PLPPR4: variants seen among roughly 807,000 people sequenced by gnomAD.
PLPPR4 encodes the protein phospholipid phosphatase-related protein type 4.
PLPPR4 carries 24 observed loss-of-function variants against 56.6 expected under a neutral mutation model. That is an observed-to-expected ratio of 0.42 (90% confidence interval 0.31 to 0.60). The LOEUF is 0.60. Among genes scored for constraint, PLPPR4 ranks in the 20% least tolerant of loss-of-function variants. The pLI is 0.13. For synonymous variants in PLPPR4, 326 were observed against 328.1 expected (o/e 0.99, Z 0.07); for missense variants, 654 against 885.8 (o/e 0.74, Z 3.32).
intron 1 of PLPPR4, among the ~76,000 whole-genome samples, chr1:99,267,843 A>T (rs72736370): frequency 0.039 from 5,883 of 152,310 alleles, 150 homozygotes; most frequent in Non-Finnish European, 0.057. Flanking sequence ...TACTATTTAC[A>T]GTTTGTACAA....
At chr1:99,277,764 T>C (rs1659227740) in intron 1 of PLPPR4, among the ~76,000 whole-genome samples, 1 of 152,076 alleles carries the variant, frequency 6.6e-6, no homozygotes. Context: ...AACTAGATCT[T>C]TTTCAGATAT....
At chr1:99,269,097 C>T (rs574392859) in intron 1 of PLPPR4, among the ~76,000 whole-genome samples, 1 of 152,086 alleles carries the variant, frequency 6.6e-6, no homozygotes, top group Non-Finnish European at 1.5e-5. Context: ...CCCCACAGGC[C>T]CTGGTGTGTG....
chr1:99,294,073 T>C (rs72980839), intron 2 of PLPPR4, among the ~76,000 whole-genome samples: 2 of 149,126 alleles, frequency 1.3e-5, no homozygotes, highest in Admixed American at 6.8e-5. Context: ...TCTGACACCA[T>C]ACCTCAGTAC....
At chr1:99,284,652 A>T (rs940125496) in intron 1 of PLPPR4, among the ~76,000 whole-genome samples, 2 of 151,728 alleles carry the variant, frequency 1.3e-5, no homozygotes, top group Non-Finnish European at 2.9e-5. Flanking sequence ...AGAAGATATT[A>T]ATATATATAT....
intron 1 of PLPPR4, among the ~76,000 whole-genome samples, chr1:99,283,029 G>T (rs1166937802): frequency 6.7e-6 from 1 of 148,712 alleles, no homozygotes. Context: ...TGTTTACCTG[G>T]CTTCCTCAAC....
chr1:99,299,889 T>G (rs929761657), intron 4 of PLPPR4, among the ~76,000 whole-genome samples: 2 of 151,990 alleles, frequency 1.3e-5, no homozygotes, highest in African/African-American at 4.8e-5. Flanking sequence ...CAAGAGATAG[T>G]AGTTTACAGT....
intron 4 of PLPPR4, 75 bp from the exon 5 acceptor site, chr1:99,300,834 A>T (rs1659868077): frequency 9.1e-7 from 1 of 1,094,328 alleles, no homozygotes; most frequent in South Asian, 1.3e-5. Context: ...CATTTTAACC[A>T]CTCAGTGTCT....
chr1:99,306,283 T>C lies in PLPPR4; in HGVS notation c.1421T>C (p.Val474Ala). 1 of 1,613,826 alleles carries C rather than the reference T, an allele frequency of 6.2e-7. No individual in the cohort carries two copies. Among genetic ancestry groups the C allele is most frequent in the Non-Finnish European group, 8.5e-7 (1 of 1,179,954 alleles). The change falls in exon 7 of 7, where the codon GTG (valine) becomes GCG (alanine). Residue 474 changes from valine (V) to alanine (A), a missense_variant. Coordinates refer to ENST00000370185, the MANE Select transcript of PLPPR4 (RefSeq NM_014839.5). This position sits in a 1 kb window ranked among gnomAD's most constrained non-coding sequence, Gnocchi z 4.0. ...AACAGCATGCCTGGAGGGCCAAGAG[T>C]GTCCATTCAGTCCCGTCCTGGGTCC... ...CNNSMPGGPR[V>A]SIQSRPGSSQ...
chr1:99,286,462 G>T (rs1659464267), intron 1 of PLPPR4, among the ~76,000 whole-genome samples: 1 of 152,122 alleles, frequency 6.6e-6, no homozygotes, highest in Admixed American at 6.6e-5. Context: ...GAGACTGGGA[G>T]AGATGAAAAA....
At chr1:99,271,798 A>C (rs1659064792) in intron 1 of PLPPR4, among the ~76,000 whole-genome samples, 1 of 151,960 alleles carries the variant, frequency 6.6e-6, no homozygotes, top group Non-Finnish European at 1.5e-5. Context: ...GTGTGTCCAA[A>C]TGATAGAAAG....
chr1:99,264,697 A>G (rs1211423311), intron 1 of PLPPR4, 26 bp downstream of exon 1: 2 of 1,548,100 alleles, frequency 1.3e-6, no homozygotes, highest in Non-Finnish European at 1.7e-6. Flanking sequence ...GCCTTGGCAT[A>G]ATGCAGATCC....
chr1:99,276,375 T>G, intron 1 of PLPPR4, among the ~76,000 whole-genome samples: 1 of 152,248 alleles, frequency 6.6e-6, no homozygotes, highest in Middle Eastern at 3.4e-3. Context: ...TTGTTAAGCA[T>G]TGAATGTAAT....
rs1370370710 is a variant in PLPPR4, at chr1:99,299,077, A to T, written c.437A>T (p.Asp146Val). Reference protein sequence around the residue: ...FGLCSTALITDIIQLSTGYQA... With the variant: ...FGLCSTALITVIIQLSTGYQA... ...TTATGCTCTACAGCTCTCATTACAG[A>T]TATCATACAGCTGTCCACAGGATAT... The change falls in exon 4 of 7, where the codon GAT becomes GTT. Residue 146 changes from aspartate to valine, a missense_variant. Physicochemically the swap from Asp to Val is radical, Grantham distance 152. Around this residue, in one of 2 missense-constraint regions of PLPPR4, gnomAD observed 186 missense variants for 331.4 expected, o/e 0.56. Coordinates refer to ENST00000370185, the MANE Select transcript of PLPPR4 (RefSeq NM_014839.5). 1.2e-6 allele frequency: 2 copies of T among 1,613,604 alleles called. No homozygotes were observed. The highest frequency in any genetic ancestry group is 1.7e-6 in the Non-Finnish European group (2 of 1,179,738).
chr1:99,264,561 G>A lies in PLPPR4; in HGVS notation c.-33G>A, dbSNP rs974634943. 6.4e-7 allele frequency: 1 copy of A among 1,550,904 alleles called. No individual in the cohort carries two copies. Among genetic ancestry groups the A allele is most frequent in the Non-Finnish European group, 8.7e-7 (1 of 1,147,088 alleles). On this transcript the variant is annotated 5_prime_UTR_variant, in exon 1 of 7. Transcript: ENST00000370185. ...CAGCTGCGCTGTGCACACCTCGCCC[G>A]GGGGAGGACGCAGACCCGGGCAGGC...
In PLPPR4 at chr1:99,306,117, C is replaced by A. The variant is rs755381882; in HGVS notation, c.1255C>A (p.Pro419Thr). The change falls in exon 7 of 7, where the codon CCT becomes ACT. Residue 419 changes from proline to threonine, a missense_variant. Coordinates refer to ENST00000370185, the MANE Select transcript of PLPPR4 (RefSeq NM_014839.5). The surrounding 1 kb of genome is among the most constrained non-coding windows in gnomAD (Gnocchi z 4.0). The stretch of plus-strand genomic sequence containing the variant: ...AAAGTTGTCCTTGCAAGTTATAGAG[C>A]CTGAGCCTGGGCAGTCACCACCCAG... ...SRKLSLQVIEPEPGQSPPRSI... is the reference protein window; with the variant it reads ...SRKLSLQVIETEPGQSPPRSI... The A allele has an allele frequency of 1.2e-6, 2 of 1,614,096 alleles. No homozygotes were observed. Among genetic ancestry groups the A allele is most frequent in the South Asian group, 2.2e-5 (2 of 91,062 alleles).
intron 1 of PLPPR4, among the ~76,000 whole-genome samples, chr1:99,274,554 G>A (rs1349780939): frequency 6.6e-6 from 1 of 152,128 alleles, no homozygotes; most frequent in African/African-American, 2.4e-5. Context: ...CAATGGTGGA[G>A]CAGTTTATTA....
In PLPPR4 at chr1:99,309,423, A is replaced by T. The variant is rs1326854511; in HGVS notation, c.*2413A>T. 2 of 152,296 alleles carry T rather than the reference A, an allele frequency of 1.3e-5. No homozygotes were observed. The highest frequency in any genetic ancestry group is 4.8e-5 in the African/African-American group (2 of 41,394). The allele number at this position is 152,296 out of a possible 1,614,324, so 9.4% of individuals were successfully genotyped here. ...ATAAAATTATGAAAATATATATAGT[A>T]TATATAAAGTACTGTGTTTAAAAAA... On this transcript the variant is annotated 3_prime_UTR_variant, in exon 7 of 7. Transcript: ENST00000370185.
At chr1:99,279,461 A>G (rs896947413) in intron 1 of PLPPR4, among the ~76,000 whole-genome samples, 2 of 152,206 alleles carry the variant, frequency 1.3e-5, no homozygotes, top group Non-Finnish European at 2.9e-5. Context: ...AATAATACAA[A>G]TAACTTCAAA....
At chr1:99,263,537 T>A (rs1341903605), upstream of PLPPR4, among the ~76,000 whole-genome samples, 2 of 152,272 alleles carry the variant, frequency 1.3e-5, no homozygotes, top group South Asian at 4.1e-4. Context: ...GCCTGGGACA[T>A]GTGATCACAA....
Sources: gnomAD v4.1 joint callset for allele counts (sites outside exome capture counted in the v4.1 genomes callset) on GRCh38, gnomAD v4.1.1 for gene constraint, gnomAD v4.1.1 regional missense constraint, Gnocchi (gnomAD v3.1) non-coding constraint, MANE v1.5 for transcripts, NCBI Gene and HGNC (gene_info 2026-07-23, HGNC 2026-07-21) for gene names.